ZNF143: variants seen among roughly 807,000 people sequenced by gnomAD.
ZNF143 encodes SPH-binding factor.
In ZNF143, 49 loss-of-function variants were observed where a neutral mutation model predicts 74.1. The ratio of observed to expected loss-of-function variants is 0.66; its 90% CI spans 0.53 to 0.84. The LOEUF is 0.84. Among genes scored for constraint, ZNF143 ranks in the 40% least tolerant of loss-of-function variants. ZNF143 has a pLI of 0.00. For missense variants in ZNF143, 637 were observed against 793.4 expected (o/e 0.80, Z 2.37); for synonymous variants, 304 against 282.8 (o/e 1.07, Z -0.75).
At chr11:9,464,238 C>T (rs913699004) in intron 1 of ZNF143, among the ~76,000 whole-genome samples, 5 of 152,058 alleles carry the variant, frequency 3.3e-5, no homozygotes, top group Non-Finnish European at 7.4e-5. Flanking sequence ...CACAAGTGAT[C>T]CTCCCACCTC....
At chr11:9,489,921 C>T (rs1384670863) in intron 7 of ZNF143, among the ~76,000 whole-genome samples, 2 of 152,178 alleles carry the variant, frequency 1.3e-5, no homozygotes, top group Non-Finnish European at 2.9e-5. Flanking sequence ...TGGCTCACAC[C>T]TGTAATCCAA....
chr11:9,512,430 T>G lies in ZNF143; in HGVS notation c.1376-18T>G. 6.3e-7 allele frequency: 1 copy of G among 1,598,072 alleles called. No individual in the cohort carries two copies. Among genetic ancestry groups the G allele is most frequent in the Non-Finnish European group, 8.5e-7 (1 of 1,169,752 alleles). On this transcript the variant is annotated intron_variant, in intron 12 of 15. Coordinates refer to ENST00000396602, the MANE Select transcript of ZNF143 (RefSeq NM_003442.6). ...ATTGGTTGGTTGGTCAAATAAATGA[T>G]TCATTTGTTTTAAACAGGTCAAGGT...
At chr11:9,515,264 T>C (rs1848682210) in intron 13 of ZNF143, among the ~76,000 whole-genome samples, 1 of 152,186 alleles carries the variant, frequency 6.6e-6, no homozygotes, top group Non-Finnish European at 1.5e-5. Flanking sequence ...ACTGGATACC[T>C]GGAGAGAAGT....
At chr11:9,478,161 A>G (rs1182788626) in intron 5 of ZNF143, among the ~76,000 whole-genome samples, 1 of 152,146 alleles carries the variant, frequency 6.6e-6, no homozygotes, top group African/African-American at 2.4e-5. Flanking sequence ...TTGCTAAGGA[A>G]AGTGATGTTA....
chr11:9,496,280 T>A (rs1847954422), intron 8 of ZNF143, 23 bp from the exon 9 acceptor site: 1 of 1,611,598 alleles, frequency 6.2e-7, no homozygotes, highest in Non-Finnish European at 8.5e-7. Context: ...GGAAATAGAA[T>A]CATGCCTGCA....
chr11:9,510,367 G>A (rs1399255085), intron 12 of ZNF143, among the ~76,000 whole-genome samples: 4 of 151,914 alleles, frequency 2.6e-5, no homozygotes, highest in East Asian at 1.9e-4. Context: ...CTCGTGATCC[G>A]CCCACCTCGG....
At chr11:9,510,283 C>T (rs1424747795) in intron 12 of ZNF143, among the ~76,000 whole-genome samples, 1 of 151,948 alleles carries the variant, frequency 6.6e-6, no homozygotes, top group Non-Finnish European at 1.5e-5. Flanking sequence ...CGCCACCATG[C>T]CTGGCTAATT....
At chr11:9,519,394 C>A (rs890497579) in intron 14 of ZNF143, among the ~76,000 whole-genome samples, 17 of 152,180 alleles carry the variant, frequency 1.1e-4, no homozygotes, top group Non-Finnish European at 2.2e-4. Context: ...GATCTGCCCG[C>A]CTCGGCCTCC....
At chr11:9,491,831 A>G (rs1246889703) in intron 7 of ZNF143, among the ~76,000 whole-genome samples, 1 of 152,128 alleles carries the variant, frequency 6.6e-6, no homozygotes, top group African/African-American at 2.4e-5. Context: ...GGGTTTCACC[A>G]TTTGCCCAGG....
chr11:9,506,327 C>T (rs894223032), intron 11 of ZNF143, among the ~76,000 whole-genome samples: 21 of 152,010 alleles, frequency 1.4e-4, no homozygotes, highest in Admixed American at 4.6e-4. Flanking sequence ...AGCGAGACTC[C>T]GTCTCAAAAA....
intron 10 of ZNF143, 60 bp from the exon 11 acceptor site, chr11:9,501,031 G>A (rs1405792752): frequency 1.3e-6 from 2 of 1,580,212 alleles, no homozygotes; most frequent in East Asian, 2.2e-5. Flanking sequence ...TGAAGGATAA[G>A]ACATTTTAAT....
intron 1 of ZNF143, among the ~76,000 whole-genome samples, chr11:9,467,678 T>A (rs934463799): frequency 6.6e-6 from 1 of 151,882 alleles, no homozygotes; most frequent in Admixed American, 6.6e-5. Flanking sequence ...AAAACCCTTC[T>A]CTACTAAAAA....
At chr11:9,480,763 T>C (rs1401161504) in intron 7 of ZNF143, among the ~76,000 whole-genome samples, 6 of 151,736 alleles carry the variant, frequency 4.0e-5, no homozygotes, top group African/African-American at 1.5e-4. Flanking sequence ...GGCTAGTGCC[T>C]ATAATCCTAG....
intron 15 of ZNF143, among the ~76,000 whole-genome samples, chr11:9,527,004 T>G (rs527329857): frequency 6.6e-6 from 1 of 152,246 alleles, no homozygotes; most frequent in East Asian, 1.9e-4. Flanking sequence ...TTTTTTTGTA[T>G]TTTTTAGTAG....
intron 8 of ZNF143, 71 bp downstream of exon 8, chr11:9,494,836 T>C: frequency 1.4e-5 from 20 of 1,476,830 alleles, no homozygotes; most frequent in Non-Finnish European, 1.8e-5. Flanking sequence ...ATCATATTTT[T>C]GTGTAATTCA....
intron 15 of ZNF143, 94 bp from the exon 16 acceptor site, chr11:9,527,436 A>G (rs1273268547): frequency 6.2e-6 from 7 of 1,136,374 alleles, no homozygotes; most frequent in Non-Finnish European, 9.2e-6. Context: ...AATTACAGAG[A>G]GAAGTTTCAC....
intron 5 of ZNF143, among the ~76,000 whole-genome samples, chr11:9,477,889 G>A (rs187560518): frequency 6.6e-6 from 1 of 152,026 alleles, no homozygotes; most frequent in African/African-American, 2.4e-5. Flanking sequence ...GCAGTGGCAC[G>A]ATCTTGGCTC....
At chr11:9,472,647 CT>C in intron 2 of ZNF143, 29 bp from the exon 3 acceptor site, 1 of 1,586,294 alleles carries the variant, frequency 6.3e-7, no homozygotes, top group Non-Finnish European at 8.6e-7. Flanking sequence ...TGCTAGCTGT[CT>C]AAAGAAAATA....
chr11:9,475,908 A>ATGTGTG (rs1206618102), intron 5 of ZNF143, among the ~76,000 whole-genome samples: 8 of 117,674 alleles, frequency 6.8e-5, no homozygotes, highest in East Asian at 3.0e-4. Context: ...AAAAAAATAT[A>ATGTGTG]TATGTGTGTG....
Sources: allele counts gnomAD v4.1 joint callset (sites outside exome capture counted in the v4.1 genomes callset), GRCh38; gene constraint gnomAD v4.1.1; transcripts MANE v1.5; gene names NCBI Gene and HGNC (gene_info 2026-07-23, HGNC 2026-07-21).